The following CLOCK variants were observed in gnomAD, a reference collection of about 807,000 sequenced individuals.
CLOCK encodes clock circadian regulator.
In CLOCK, 43 loss-of-function variants were observed where a neutral mutation model predicts 118.4. The ratio of observed to expected loss-of-function variants is 0.36; its 90% CI spans 0.28 to 0.47. The LOEUF (loss-of-function observed/expected upper bound fraction) is 0.47, where lower values mean the gene tolerates loss of function less well. Among genes scored for constraint, CLOCK ranks in the 20% least tolerant of loss-of-function variants. The probability of loss-of-function intolerance (pLI) is 1.00; values close to 1 mark genes in which losing one functional copy is unlikely to be tolerated. For synonymous variants in CLOCK, 326 were observed against 339.2 expected (o/e 0.96, Z 0.43); for missense variants, 846 against 999.9 (o/e 0.85, Z 2.08).
intron 3 of CLOCK, among the ~76,000 whole-genome samples, chr4:55,489,130 C>A (rs144368431): frequency 6.6e-4 from 101 of 152,322 alleles, no homozygotes; most frequent in Middle Eastern, 3.4e-3. Flanking sequence ...GTGTATTATT[C>A]TTCTTCTAGA....
At chr4:55,475,896 T>C in intron 7 of CLOCK, 67 bp downstream of exon 7, 1 of 1,073,554 alleles carries the variant, frequency 9.3e-7, no homozygotes, top group South Asian at 1.3e-5. Flanking sequence ...TACACCTGGA[T>C]ATTAAGTCAC....
intron 2 of CLOCK, among the ~76,000 whole-genome samples, chr4:55,503,359 C>T (rs1344423637): frequency 6.6e-6 from 1 of 152,080 alleles, no homozygotes; most frequent in African/African-American, 2.4e-5. Context: ...GAGTCATAAA[C>T]AAGATTTTAA....
chr4:55,483,849 TA>T (rs766354267), intron 3 of CLOCK, among the ~76,000 whole-genome samples: 4 of 152,170 alleles, frequency 2.6e-5, no homozygotes, highest in Non-Finnish European at 5.9e-5. Context: ...TTGAAGGAAG[TA>T]AAACTTACTG....
intron 2 of CLOCK, among the ~76,000 whole-genome samples, chr4:55,504,292 A>G (rs970039552): frequency 1.3e-5 from 2 of 150,172 alleles, no homozygotes; most frequent in African/African-American, 4.9e-5. Flanking sequence ...TCAAAAAAAA[A>G]AAAAAAAAAA....
At chr4:55,525,446 G>A (rs1236140236) in intron 1 of CLOCK, among the ~76,000 whole-genome samples, 5 of 152,138 alleles carry the variant, frequency 3.3e-5, no homozygotes, top group Non-Finnish European at 7.4e-5. Context: ...CTGCACTCCA[G>A]CCTGGGTAAC....
intron 1 of CLOCK, chr4:55,545,937 A>C (rs1384372581): frequency 1.3e-5 from 2 of 152,218 alleles, no homozygotes; most frequent in Non-Finnish European, 2.9e-5. Context: ...TCAGACGCTA[A>C]TAGCCGCGCG....
chr4:55,522,512 AAAG>A (rs1202427597), intron 1 of CLOCK, among the ~76,000 whole-genome samples: 4 of 152,036 alleles, frequency 2.6e-5, no homozygotes, highest in Admixed American at 6.6e-5. Flanking sequence ...TTTAAAAAAA[AAAG>A]AAGCATAAAG....
At chr4:55,488,549 A>G (rs1391869045) in intron 3 of CLOCK, among the ~76,000 whole-genome samples, 1 of 152,204 alleles carries the variant, frequency 6.6e-6, no homozygotes, top group African/African-American at 2.4e-5. Context: ...TTCCAGTCAC[A>G]TTATGCTCTT....
At chr4:55,501,510 T>G (rs1480607292) in intron 2 of CLOCK, 2 of 147,264 alleles carry the variant, frequency 1.4e-5, no homozygotes, top group Non-Finnish European at 3.1e-5. Context: ...CTCAAACTCC[T>G]AGGCTCAAGT....
chr4:55,530,991 C>G (rs1730506685), intron 1 of CLOCK, among the ~76,000 whole-genome samples: 1 of 151,660 alleles, frequency 6.6e-6, no homozygotes, highest in Non-Finnish European at 1.5e-5. Flanking sequence ...GGCATTCCAC[C>G]TAACAGTTAA....
At chr4:55,542,292 T>C (rs1221160379) in intron 1 of CLOCK, among the ~76,000 whole-genome samples, 1 of 149,992 alleles carries the variant, frequency 6.7e-6, no homozygotes, top group African/African-American at 2.5e-5. Context: ...TGCAGTGAGC[T>C]GAGATCACGC....
At chr4:55,493,598 A>G (rs1286128330) in intron 2 of CLOCK, among the ~76,000 whole-genome samples, 1 of 152,258 alleles carries the variant, frequency 6.6e-6, no homozygotes, top group Non-Finnish European at 1.5e-5. Context: ...AGAAAGGCCC[A>G]AATATTTAAT....
rs1728954412 is a variant in CLOCK at position 55,508,617 on chromosome 4, G to C, written c.-136+1295C>G. Among the ~76,000 whole-genome samples, 3 of 150,548 alleles carry C rather than the reference G, an allele frequency of 2.0e-5. No homozygotes were observed. The South Asian group carries it at 6.3e-4, about 32-fold the overall frequency. On this transcript the variant is annotated intron_variant, in intron 2 of 22. Coordinates refer to ENST00000513440, the MANE Select transcript of CLOCK (RefSeq NM_004898.4). ...AAATTTTTTTTTTTTTTTTGAGACG[G>C]AGTCTTGCTCTGTTGCCCAAGCTGG...
chr4:55,488,154 C>T (rs1478215405), intron 3 of CLOCK, among the ~76,000 whole-genome samples: 1 of 152,116 alleles, frequency 6.6e-6, no homozygotes, highest in Admixed American at 6.6e-5. Context: ...GTGATGTAGA[C>T]GACCACTTCT....
In CLOCK at chr4:55,470,863, GA is replaced by G. The variant is rs1577740506; in HGVS notation, c.349-58del. On this transcript the variant is annotated intron_variant, in intron 7 of 22. Transcript: ENST00000513440. Reference sequence around the variant, plus strand: ...AAAGAAAAAAGTATTTTGCAGGACAGAAATAAAAATTTGAGATAAATGACAA... The same window carrying G: ...AAAGAAAAAAGTATTTTGCAGGACAGAATAAAAATTTGAGATAAATGACAA... 6.4e-6 allele frequency: 8 copies of G among 1,254,734 alleles called. No homozygotes were observed. In the East Asian group the frequency reaches 1.9e-4, roughly 29 times the overall value. 77.7% of individuals were successfully genotyped at this position (1,254,734 alleles called of 1,614,324 possible).
chr4:55,504,588 G>A (rs188252581), intron 2 of CLOCK, among the ~76,000 whole-genome samples: 1 of 152,156 alleles, frequency 6.6e-6, no homozygotes, highest in African/African-American at 2.4e-5. Context: ...TTATGGAGCT[G>A]AGAACAAAAT....
intron 1 of CLOCK, among the ~76,000 whole-genome samples, chr4:55,535,252 A>G (rs2110099693): frequency 6.6e-6 from 1 of 152,296 alleles, no homozygotes; most frequent in South Asian, 2.1e-4. Flanking sequence ...TCAAAACTCA[A>G]GCTGCATACT....
chr4:55,545,076 T>C (rs570044264), intron 1 of CLOCK, among the ~76,000 whole-genome samples: 114 of 151,318 alleles, frequency 7.5e-4, no homozygotes, highest in Admixed American at 1.2e-3. Flanking sequence ...ACTTTTTTTA[T>C]TATTATACTT....
intron 2 of CLOCK, among the ~76,000 whole-genome samples, chr4:55,499,593 A>G (rs984342840): frequency 3.3e-5 from 5 of 152,236 alleles, no homozygotes; most frequent in Non-Finnish European, 1.5e-5. Flanking sequence ...GGCGGAGCTC[A>G]GGCGCTAATG....
Sources: gnomAD v4.1 joint callset for allele counts (sites outside exome capture counted in the v4.1 genomes callset) on GRCh38, gnomAD v4.1.1 for gene constraint, MANE v1.5 for transcripts, NCBI Gene and HGNC (gene_info 2026-07-23, HGNC 2026-07-21) for gene names.